CPLX4: variants seen among roughly 807,000 people sequenced by gnomAD.
The protein encoded by CPLX4 is complexin 4.
In CPLX4, 17 loss-of-function variants were observed where a neutral mutation model predicts 16.1. The ratio of observed to expected loss-of-function variants is 1.06; its 90% CI spans 0.72 to 1.59. CPLX4 has a LOEUF of 1.59. Among genes scored for constraint, CPLX4 ranks in the 40% most tolerant of loss-of-function variants. CPLX4 has a pLI of 0.00. For missense variants in CPLX4, 193 were observed against 192.9 expected, an observed-to-expected ratio of 1.00 and a Z score of 0.00; for synonymous variants, 55 against 57.8, an observed-to-expected ratio of 0.95 and a Z score of 0.22.
chr18:59,296,551 GAAC>G lies in CPLX4; in HGVS notation c.*144_*146del, dbSNP rs2070501822. On this transcript the variant is annotated 3_prime_UTR_variant, in exon 3 of 3. Transcript: ENST00000299721. ...CTAAATGCTCTGCCAGGAATATTTA[GAAC>G]AACCAAATTATTGTCTGTCAATGGA... 2 of 843,142 alleles carry G rather than the reference GAAC, an allele frequency of 2.4e-6. No homozygotes were observed. The highest frequency in any genetic ancestry group is 3.5e-5 in the African/African-American group (2 of 57,784). 52.2% of individuals were successfully genotyped at this position (843,142 alleles called of 1,614,324 possible).
At chr18:59,313,044 A>C (rs1294972747) in intron 1 of CPLX4, among the ~76,000 whole-genome samples, 1 of 152,164 alleles carries the variant, frequency 6.6e-6, no homozygotes, top group Non-Finnish European at 1.5e-5. Context: ...TTTTCCTAAC[A>C]TGGAGTTTTC....
intron 1 of CPLX4, among the ~76,000 whole-genome samples, chr18:59,314,831 A>G (rs1317422709): frequency 6.6e-6 from 1 of 152,238 alleles, no homozygotes; most frequent in Non-Finnish European, 1.5e-5. Flanking sequence ...TTTATGTACT[A>G]GTAGCTGGTT....
At chr18:59,312,605 T>C in intron 2 of CPLX4, 80 bp downstream of exon 2, 1 of 584,200 alleles carries the variant, frequency 1.7e-6, no homozygotes, top group South Asian at 2.6e-5. Flanking sequence ...TTCAGGAACA[T>C]GATCCTTTGT....
chr18:59,303,715 G>A (rs1379479039), intron 2 of CPLX4, among the ~76,000 whole-genome samples: 1 of 152,238 alleles, frequency 6.6e-6, no homozygotes, highest in African/African-American at 2.4e-5. Flanking sequence ...ACGTGAGAAA[G>A]CTGGTGTGGC....
At chr18:59,310,374 AC>A (rs1453068816) in intron 2 of CPLX4, among the ~76,000 whole-genome samples, 2 of 152,060 alleles carry the variant, frequency 1.3e-5, no homozygotes, top group African/African-American at 4.8e-5. Context: ...TTCAAAAGAT[AC>A]CCTGGCACAG....
intron 2 of CPLX4, among the ~76,000 whole-genome samples, chr18:59,306,012 G>T (rs1006290575): frequency 2.1e-4 from 32 of 152,080 alleles, no homozygotes; most frequent in African/African-American, 7.5e-4. Flanking sequence ...GGCCCCAAGA[G>T]AAATTAAGGG....
chr18:59,309,524 A>G (rs1215992824), intron 2 of CPLX4, among the ~76,000 whole-genome samples: 1 of 152,182 alleles, frequency 6.6e-6, no homozygotes, highest in African/African-American at 2.4e-5. Flanking sequence ...ACAGCTCAAA[A>G]TATTAAGAGT....
At chr18:59,300,289 C>A (rs1371837884) in intron 2 of CPLX4, among the ~76,000 whole-genome samples, 1 of 152,132 alleles carries the variant, frequency 6.6e-6, no homozygotes, top group Non-Finnish European at 1.5e-5. Flanking sequence ...GCCAAGATCA[C>A]GCCACTGAAC....
intron 2 of CPLX4, among the ~76,000 whole-genome samples, chr18:59,308,525 C>T (rs569766530): frequency 6.7e-6 from 1 of 149,940 alleles, no homozygotes; most frequent in East Asian, 2.0e-4. Context: ...CCATCCCATC[C>T]AATGACCTAT....
intron 2 of CPLX4, among the ~76,000 whole-genome samples, chr18:59,299,631 T>C (rs1403199619): frequency 1.3e-5 from 2 of 152,232 alleles, no homozygotes; most frequent in African/African-American, 4.8e-5. Context: ...GGTTTCCTCC[T>C]TCAAGGGTGA....
chr18:59,307,343 A>C (rs1400050035), intron 2 of CPLX4, among the ~76,000 whole-genome samples: 1 of 152,204 alleles, frequency 6.6e-6, no homozygotes, highest in African/African-American at 2.4e-5. Flanking sequence ...CGAGGAGCCA[A>C]AGTACTGTGG....
chr18:59,312,688 TG>T lies in CPLX4; in HGVS notation c.251del (p.Pro84GlnfsTer27). On this transcript the variant is annotated frameshift_variant, in exon 2 of 3. Coordinates refer to ENST00000299721, the MANE Select transcript of CPLX4 (RefSeq NM_181654.4). LOFTEE classifies it high-confidence loss of function. The part of the protein sequence containing the change: ...RVHLREKYRL[P>X]KSEMDENQIQ... Reference sequence around the variant, plus strand: ...AGATGTTTCCAGAGTGTCTTACCTTTGGGAGCCTGTATTTTTCTCTGAGATG... The same window carrying T: ...AGATGTTTCCAGAGTGTCTTACCTTTGGAGCCTGTATTTTTCTCTGAGATG... 8.0e-7 allele frequency: 1 copy of T among 1,247,572 alleles called. No homozygotes were observed. Among genetic ancestry groups the T allele is most frequent in the South Asian group, 1.2e-5 (1 of 83,764 alleles). 77.3% of individuals were successfully genotyped at this position (1,247,572 alleles called of 1,614,324 possible). A position where few individuals can be genotyped will look rare whatever the true frequency, so the allele number is the denominator to read the frequency against.
chr18:59,298,086 T>C (rs2070514113), intron 2 of CPLX4, among the ~76,000 whole-genome samples: 1 of 150,920 alleles, frequency 6.6e-6, no homozygotes, highest in Non-Finnish European at 1.5e-5. Context: ...GTCTTTGAGA[T>C]TCCTTTATTT....
intron 2 of CPLX4, among the ~76,000 whole-genome samples, chr18:59,310,299 G>A (rs942613410): frequency 2.0e-5 from 3 of 152,178 alleles, no homozygotes; most frequent in Non-Finnish European, 4.4e-5. Flanking sequence ...AGAGGACCTG[G>A]ATTTGTGCAT....
At chr18:59,309,013 T>G (rs1166838755) in intron 2 of CPLX4, among the ~76,000 whole-genome samples, 1 of 152,230 alleles carries the variant, frequency 6.6e-6, no homozygotes, top group Non-Finnish European at 1.5e-5. Flanking sequence ...CTGGACTAAG[T>G]GGAATACGAT....
intron 2 of CPLX4, among the ~76,000 whole-genome samples, chr18:59,300,975 C>T (rs531811): frequency 0.7 from 105,951 of 152,068 alleles, 37,782 homozygotes; most frequent in African/African-American, 0.86. Context: ...CCGCCCCTGA[C>T]TTTTGTGGGT....
chr18:59,309,822 C>CAAAAAA (rs369580193), intron 2 of CPLX4, among the ~76,000 whole-genome samples: 6 of 86,840 alleles, frequency 6.9e-5, no homozygotes, highest in Non-Finnish European at 1.1e-4. Flanking sequence ...GACTCTGTGT[C>CAAAAAA]AAAAAAAAAA....
intron 2 of CPLX4, among the ~76,000 whole-genome samples, 199 bp downstream of exon 2, chr18:59,312,486 G>A (rs1344154519): frequency 1.4e-5 from 2 of 144,898 alleles, no homozygotes; most frequent in Non-Finnish European, 3.0e-5. Flanking sequence ...CTGAATATGT[G>A]TATATATATA....
Position 59,296,549 on chromosome 18 carries a change from T to C in CPLX4, c.*149A>G. The C allele has an allele frequency of 1.2e-6, 1 of 826,736 alleles. No homozygotes were observed. The highest frequency in any genetic ancestry group is 2.3e-4 in the Middle Eastern group (1 of 4,286). The allele number at this position is 826,736 out of a possible 1,614,324, so 51.2% of individuals were successfully genotyped here. A position where few individuals can be genotyped will look rare whatever the true frequency, so the allele number is the denominator to read the frequency against. ...AGCTAAATGCTCTGCCAGGAATATTTAGAACAACCAAATTATTGTCTGTCA... is the reference window on the plus strand; with the variant it reads ...AGCTAAATGCTCTGCCAGGAATATTCAGAACAACCAAATTATTGTCTGTCA... On this transcript the variant is annotated 3_prime_UTR_variant, in exon 3 of 3. Coordinates refer to ENST00000299721, the MANE Select transcript of CPLX4 (RefSeq NM_181654.4).
Sources: allele counts gnomAD v4.1 joint callset (sites outside exome capture counted in the v4.1 genomes callset), GRCh38; gene constraint gnomAD v4.1.1; transcripts MANE v1.5; gene names NCBI Gene and HGNC (gene_info 2026-07-23, HGNC 2026-07-21).